SLC12A2: variants seen among roughly 807,000 people sequenced by gnomAD.
The protein encoded by SLC12A2 is solute carrier family 12 member 2.
In SLC12A2, 67 loss-of-function variants were observed where a neutral mutation model predicts 136.3. That is an observed-to-expected ratio of 0.49 (90% CI 0.40 to 0.60). The LOEUF (loss-of-function observed/expected upper bound fraction) is 0.60, where lower values mean the gene tolerates loss of function less well. SLC12A2 is among the 20% of genes least tolerant of loss of function. The probability of loss-of-function intolerance (pLI) is 0.00; values close to 1 mark genes in which losing one functional copy is unlikely to be tolerated. For missense variants in SLC12A2, 1,322 were observed against 1,534.7 expected (o/e 0.86, Z 2.32); for synonymous variants, 619 against 562.9 (o/e 1.10, Z -1.41).
At chr5:128,154,521 T>C (rs1762813152) in intron 15 of SLC12A2, among the ~76,000 whole-genome samples, 1 of 152,088 alleles carries the variant, frequency 6.6e-6, no homozygotes, top group Admixed American at 6.6e-5. Flanking sequence ...GTCATGAAAA[T>C]CAATAGTTGC....
chr5:128,086,689 A>G (rs2126634499), intron 1 of SLC12A2, among the ~76,000 whole-genome samples: 1 of 152,336 alleles, frequency 6.6e-6, no homozygotes, highest in South Asian at 2.1e-4. Flanking sequence ...GGCTTAACTA[A>G]TAACTACATG....
Position 128,084,096 on chromosome 5 carries a change from C to G in SLC12A2, c.142C>G (p.Pro48Ala). Residue 48 changes from proline (P) to alanine (A), a missense_variant, in exon 1 of 27, where the codon CCC becomes GCC. This residue lies in a region of SLC12A2 where 358 missense variants were observed against 299.7 expected (regional missense o/e 1.19). Coordinates refer to ENST00000262461, the MANE Select transcript of SLC12A2 (RefSeq NM_001046.3). The surrounding 1 kb of genome is among the most constrained non-coding windows in gnomAD (Gnocchi z 5.6). The stretch of plus-strand genomic sequence containing the variant: ...GCCCTCGGTGCCGGAGGATGCTGCG[C>G]CCGCGAGCCGGGACGGCGGCGGGGT... ...AVPSVPEDAA[P>A]ASRDGGGVRD... The G allele has an allele frequency of 7.6e-7, 1 of 1,314,980 alleles. No homozygotes were observed. The allele number at this position is 1,314,980 out of a possible 1,614,324, so 81.5% of individuals were successfully genotyped here. A position where few individuals can be genotyped will look rare whatever the true frequency, so the allele number is the denominator to read the frequency against.
chr5:128,162,288 G>A (rs1367297065), intron 17 of SLC12A2, among the ~76,000 whole-genome samples: 2 of 151,868 alleles, frequency 1.3e-5, no homozygotes, highest in Non-Finnish European at 1.5e-5. Flanking sequence ...ACAGTTAGAC[G>A]AATGGCACAA....
chr5:128,138,682 A>C lies in SLC12A2; in HGVS notation c.1494A>C (p.Ala498=). Residue 498 remains alanine (A), a synonymous_variant, in exon 8 of 27, where the codon GCA becomes GCC. Coordinates refer to ENST00000262461, the MANE Select transcript of SLC12A2 (RefSeq NM_001046.3). ...FSVFAIFFPA[A]TGILAGANIS... is the part of the protein sequence containing the mutation. ...TATTTGCCATCTTTTTTCCTGCTGCAACTGGTATTCTGGCTGGAGCAAATA... is the reference window on the plus strand; with the variant it reads ...TATTTGCCATCTTTTTTCCTGCTGCCACTGGTATTCTGGCTGGAGCAAATA... The C allele has an allele frequency of 1.2e-6, 2 of 1,613,876 alleles. No homozygotes were observed. The highest frequency in any genetic ancestry group is 1.7e-6 in the Non-Finnish European group (2 of 1,179,856).
chr5:128,168,062 T>G (rs1763256037), intron 18 of SLC12A2, 195 bp downstream of exon 18: 1 of 460,438 alleles, frequency 2.2e-6, no homozygotes, highest in Middle Eastern at 5.7e-4. Flanking sequence ...ATATGTCTCT[T>G]TACATACATG....
At chr5:128,110,936 A>C (rs1464238612) in intron 1 of SLC12A2, 2 of 871,774 alleles carry the variant, frequency 2.3e-6, no homozygotes, top group Admixed American at 3.4e-5. Flanking sequence ...GTAGAACCAC[A>C]GACTGAGAAT....
chr5:128,100,176 A>G (rs546993595), intron 1 of SLC12A2, among the ~76,000 whole-genome samples: 2 of 152,274 alleles, frequency 1.3e-5, no homozygotes, highest in East Asian at 1.9e-4. Flanking sequence ...TAGCTCCATT[A>G]TAATCTTATG....
intron 13 of SLC12A2, among the ~76,000 whole-genome samples, chr5:128,150,513 T>C (rs143204677): frequency 2.0e-5 from 3 of 151,974 alleles, no homozygotes; most frequent in African/African-American, 7.2e-5. Flanking sequence ...AACAAAAGCA[T>C]TGTTCCTTTT....
chr5:128,185,211 G>C (rs1351722246), intron 26 of SLC12A2, among the ~76,000 whole-genome samples: 1 of 152,156 alleles, frequency 6.6e-6, no homozygotes, highest in East Asian at 1.9e-4. Context: ...GCCCCGGACA[G>C]CTTCCTCTTG....
intron 4 of SLC12A2, among the ~76,000 whole-genome samples, chr5:128,130,345 T>C (rs111891922): frequency 6.4e-4 from 98 of 152,030 alleles, no homozygotes; most frequent in African/African-American, 2.2e-3. Flanking sequence ...TGAAACCCCG[T>C]CTCTACTAAA....
chr5:128,116,205 C>A (rs995164023), intron 4 of SLC12A2, among the ~76,000 whole-genome samples: 5 of 152,096 alleles, frequency 3.3e-5, no homozygotes, highest in African/African-American at 1.2e-4. Flanking sequence ...ACCTTAGAAT[C>A]TAGGCTGTGA....
Position 128,161,659 on chromosome 5 carries a change from G to T in SLC12A2, c.2476-1G>T. The T allele has an allele frequency of 7.3e-7, 1 of 1,378,310 alleles. No homozygotes were observed. The highest frequency in any genetic ancestry group is 9.4e-7 in the Non-Finnish European group (1 of 1,064,302). The allele number at this position is 1,378,310 out of a possible 1,614,324, so 85.4% of individuals were successfully genotyped here. A position where few individuals can be genotyped will look rare whatever the true frequency, so the allele number is the denominator to read the frequency against. On this transcript the variant is annotated splice_acceptor_variant, in intron 16 of 26. Transcript: ENST00000262461. LOFTEE classifies it high-confidence loss of function. ...TATATTATTAATATTTTTATTCAAA[G>T]GGTCCTCGAAGACAAGCCATGAAAG...
At chr5:128,095,533 T>G (rs547639244) in intron 1 of SLC12A2, among the ~76,000 whole-genome samples, 2 of 152,318 alleles carry the variant, frequency 1.3e-5, no homozygotes, top group Non-Finnish European at 2.9e-5. Flanking sequence ...GTGTTTTGTT[T>G]TTATAAACAG....
intron 13 of SLC12A2, among the ~76,000 whole-genome samples, chr5:128,150,376 T>C (rs1380790065): frequency 2.0e-5 from 3 of 151,854 alleles, no homozygotes; most frequent in South Asian, 4.1e-4. Flanking sequence ...TTTCAGTCTT[T>C]AGCTGATTTC....
chr5:128,093,432 A>G (rs139827732), intron 1 of SLC12A2, among the ~76,000 whole-genome samples: 1 of 152,168 alleles, frequency 6.6e-6, no homozygotes, highest in Non-Finnish European at 1.5e-5. Context: ...TGGGTATCCA[A>G]TGCTTGCTTG....
intron 15 of SLC12A2, among the ~76,000 whole-genome samples, chr5:128,154,818 C>T (rs1186443677): frequency 6.6e-6 from 1 of 152,178 alleles, no homozygotes; most frequent in Non-Finnish European, 1.5e-5. Flanking sequence ...GTTTGAAGTG[C>T]AGCAGCAAAA....
intron 11 of SLC12A2, among the ~76,000 whole-genome samples, chr5:128,148,251 A>G (rs1762592651): frequency 6.6e-6 from 1 of 151,716 alleles, no homozygotes; most frequent in Admixed American, 6.6e-5. Flanking sequence ...TTATTGGTAA[A>G]TCAAATAAAT....
At chr5:128,171,637 TTTTTTCA>T in intron 18 of SLC12A2, 23 bp from the exon 19 acceptor site, 1 of 1,463,584 alleles carries the variant, frequency 6.8e-7, no homozygotes, top group Non-Finnish European at 9.3e-7. Flanking sequence ...TTTTTTTTGG[TTTTTTCA>T]TTTTTTGTTT....
At position 128,181,580 on chromosome 5, in the gene SLC12A2, A is replaced by C. The variant is rs567299597; in HGVS notation, c.3212+586A>C. Among the ~76,000 whole-genome samples, 6 of 152,292 alleles carry C rather than the reference A, an allele frequency of 3.9e-5. 1 individual carries two copies. In the South Asian group the frequency reaches 1.2e-3, roughly 32 times the overall value. The stretch of plus-strand genomic sequence containing the variant: ...AGACATGGGTACTCAGAAGCATTGA[A>C]ACCCAGTTTTATTTTTCAGAAAGCA... On this transcript the variant is annotated intron_variant, in intron 23 of 26. Transcript: ENST00000262461.
Sources: gnomAD v4.1 joint callset for allele counts (sites outside exome capture counted in the v4.1 genomes callset) on GRCh38, gnomAD v4.1.1 for gene constraint, gnomAD v4.1.1 regional missense constraint, Gnocchi (gnomAD v3.1) non-coding constraint, MANE v1.5 for transcripts, NCBI Gene and HGNC (gene_info 2026-07-23, HGNC 2026-07-21) for gene names.